Variants in CCDC88C observed in about 807,000 individuals in gnomAD.
CCDC88C encodes the protein coiled-coil and HOOK domain protein 88C, also known as protein Daple.
CCDC88C carries 131 observed loss-of-function variants against 198.8 expected under a neutral mutation model. That is an observed-to-expected ratio of 0.66 (90% CI 0.57 to 0.76). CCDC88C has a LOEUF of 0.76. CCDC88C is among the 30% of genes least tolerant of loss of function. The probability of loss-of-function intolerance (pLI) is 0.00; values close to 1 mark genes in which losing one functional copy is unlikely to be tolerated. For synonymous variants in CCDC88C, 1,166 were observed against 1,114.7 expected, an observed-to-expected ratio of 1.05 and a Z score of -0.92; for missense variants, 2,553 against 2,631.6, an observed-to-expected ratio of 0.97 and a Z score of 0.65.
chr14:91,325,670 A>G lies in CCDC88C; in HGVS notation c.1197+240T>C, dbSNP rs992236646. ...CGGCTCACTGCAGCCTCAACCTCCC[A>G]GGCTCAAGCAACCCTCCTGCCTCAG... On this transcript the variant is annotated intron_variant, in intron 11 of 29. Transcript: ENST00000389857. The surrounding 1 kb of genome is among the most constrained non-coding windows in gnomAD (Gnocchi z 4.1). Among the ~76,000 whole-genome samples, 4 of 152,074 alleles carry G rather than the reference A, an allele frequency of 2.6e-5. No homozygotes were observed. The highest frequency in any genetic ancestry group is 9.7e-5 in the African/African-American group (4 of 41,392).
chr14:91,297,413 C>T lies in CCDC88C; in HGVS notation c.3858G>A (p.Leu1286=). ...HAHTKELKTS[L]NNAQLELNRW... ...GGTTGAGCTCCAGCTGCGCGTTGTT[C>T]AGTGAGGTTTTCAGCTCCTTGGTGT... The change falls in exon 22 of 30, where the codon CTG becomes CTA. Residue 1286 remains leucine (L), a synonymous_variant. Coordinates refer to ENST00000389857, the MANE Select transcript of CCDC88C (RefSeq NM_001080414.4). The T allele has an allele frequency of 6.2e-7, 1 of 1,610,152 alleles. No homozygotes were observed. The highest frequency in any genetic ancestry group is 1.1e-5 in the South Asian group (1 of 90,086).
intron 3 of CCDC88C, among the ~76,000 whole-genome samples, chr14:91,366,416 G>A (rs1894541606): frequency 6.6e-6 from 1 of 152,080 alleles, no homozygotes. Context: ...AACCCGGGAC[G>A]CAGAGATTGC....
chr14:91,416,909 C>T (rs914858419), intron 1 of CCDC88C, 71 bp from the exon 2 acceptor site: 14 of 1,096,990 alleles, frequency 1.3e-5, no homozygotes, highest in African/African-American at 3.1e-5. Context: ...AAAGCTCTCC[C>T]AGGCAGAGAC....
At chr14:91,394,426 T>A (rs1445396227) in intron 3 of CCDC88C, among the ~76,000 whole-genome samples, 3 of 152,176 alleles carry the variant, frequency 2.0e-5, no homozygotes, top group Non-Finnish European at 4.4e-5. Flanking sequence ...CATCCTCTAA[T>A]TATTCAACAG....
At chr14:91,383,033 C>T (rs905918849) in intron 3 of CCDC88C, among the ~76,000 whole-genome samples, 1 of 152,240 alleles carries the variant, frequency 6.6e-6, no homozygotes, top group Non-Finnish European at 1.5e-5. Context: ...AAAGCCTCAT[C>T]TTAAAGCCAG....
At chr14:91,373,930 G>C (rs1894954465) in intron 3 of CCDC88C, among the ~76,000 whole-genome samples, 2 of 152,184 alleles carry the variant, frequency 1.3e-5, no homozygotes, top group South Asian at 4.1e-4. Context: ...CGCCGGCAAT[G>C]ATCACTTCCT....
intron 10 of CCDC88C, among the ~76,000 whole-genome samples, chr14:91,327,595 G>A (rs540127375): frequency 5.3e-5 from 8 of 152,332 alleles, no homozygotes; most frequent in Non-Finnish European, 1.0e-4. Context: ...CTGACAGGCC[G>A]CAGACCCGGT....
At chr14:91,330,244 C>T (rs781236940) in intron 10 of CCDC88C, among the ~76,000 whole-genome samples, 4 of 152,242 alleles carry the variant, frequency 2.6e-5, no homozygotes, top group Non-Finnish European at 5.9e-5. Flanking sequence ...GGCTGGGAGA[C>T]GCAGCCCGCA....
chr14:91,281,632 G>T, intron 26 of CCDC88C, 107 bp from the exon 27 acceptor site: 1 of 924,296 alleles, frequency 1.1e-6, no homozygotes. Flanking sequence ...CCAGCTCTTG[G>T]GGATGAGGGA....
chr14:91,293,521 T>C lies in CCDC88C; in HGVS notation c.4112+652A>G, dbSNP rs71415442. 3.4e-3 allele frequency among the ~76,000 whole-genome samples: 69 copies of C among 20,116 alleles called. 10 individuals carry two copies. The highest frequency in any genetic ancestry group is 0.02 in the Middle Eastern group (1 of 50). The allele number at this position is 20,116 out of a possible 152,430, so 13.2% of individuals were successfully genotyped here. A position where few individuals can be genotyped will look rare whatever the true frequency, so the allele number is the denominator to read the frequency against. ...TCACCTGCCACGGCCTACCTTCCTG[T>C]CCCCTCACCTGCCACGGCCCACCTT... On this transcript the variant is annotated intron_variant, in intron 23 of 29. Transcript: ENST00000389857.
At chr14:91,306,190 C>G (rs1300627999) in intron 18 of CCDC88C, among the ~76,000 whole-genome samples, 1 of 152,162 alleles carries the variant, frequency 6.6e-6, no homozygotes, top group Non-Finnish European at 1.5e-5. Flanking sequence ...AAGCTGCTTC[C>G]TTTGTCTCTT....
At chr14:91,354,490 T>TGCA (rs1893955021) in intron 4 of CCDC88C, among the ~76,000 whole-genome samples, 1 of 152,222 alleles carries the variant, frequency 6.6e-6, no homozygotes, top group African/African-American at 2.4e-5. Context: ...TTAATAGCTG[T>TGCA]GCAGCTGGCA....
At chr14:91,409,189 T>G (rs1886672761) in intron 2 of CCDC88C, among the ~76,000 whole-genome samples, 1 of 3,588 alleles carries the variant, frequency 2.8e-4, no homozygotes, top group Non-Finnish European at 4.1e-4. Context: ...AAATGGTAGT[T>G]TTTTTTTTTT....
rs1264681676 is a variant in CCDC88C, at chr14:91,273,924, A to C, written c.5059-271T>G. On this transcript the variant is annotated intron_variant, in intron 29 of 29. Transcript: ENST00000389857. The surrounding 1 kb of genome is among the most constrained non-coding windows in gnomAD (Gnocchi z 5.6). ...TTTACAGATAAGGAAACAGACCCAG[A>C]GAGGGAAATGACTTCCTACAAAGTG... Among the ~76,000 whole-genome samples, 2 of 152,192 alleles carry C rather than the reference A, an allele frequency of 1.3e-5. No homozygotes were observed. Among genetic ancestry groups the C allele is most frequent in the Non-Finnish European group, 2.9e-5 (2 of 68,038 alleles).
At position 91,352,435 on chromosome 14, in the gene CCDC88C, G is replaced by T. The variant is rs566882744; in HGVS notation, c.340+7207C>A. Among the ~76,000 whole-genome samples the T allele has an allele frequency of 6.6e-6, 1 of 152,202 alleles. No individual in the cohort carries two copies. On this transcript the variant is annotated intron_variant, in intron 4 of 29. Transcript: ENST00000389857. The surrounding 1 kb of genome is among the most constrained non-coding windows in gnomAD (Gnocchi z 4.2). ...CACGTGGACTGGAGCCCTCATTTCC[G>T]GATCCAACAAGCAGCACAGAAGCAA...
intron 12 of CCDC88C, among the ~76,000 whole-genome samples, chr14:91,323,085 T>G (rs141549982): frequency 1.5e-4 from 23 of 152,202 alleles, no homozygotes; most frequent in African/African-American, 5.1e-4. Context: ...TTTGTACTTT[T>G]AGTAGAGGCG....
rs767683153 is a variant in CCDC88C at position 91,339,291 on chromosome 14, C to T, written c.796G>A (p.Val266Ile). The change falls in exon 8 of 30, where the codon GTC (valine) becomes ATC (isoleucine). Residue 266 changes from valine (V) to isoleucine (I), a missense_variant. Around this residue, in one of 2 missense-constraint regions of CCDC88C, gnomAD observed 1,260 missense variants for 1,412.0 expected, o/e 0.89. Transcript: ENST00000389857. This position sits in a 1 kb window ranked among gnomAD's most constrained non-coding sequence, Gnocchi z 5.8. ...CCGGGGACTCACAGCTCCTGCCTGA[C>T]GCGCCGCAGCCTGGCCTTGGTGTCG... is the stretch of plus-strand genomic sequence containing the variant. Reference protein sequence around the residue: ...LADTKARLRRVRQELEDKTEQ... With the variant: ...LADTKARLRRIRQELEDKTEQ... 25 of 1,612,636 alleles carry T rather than the reference C, an allele frequency of 1.6e-5. No individual in the cohort carries two copies. Among genetic ancestry groups the T allele is most frequent in the South Asian group, 5.5e-5 (5 of 90,998 alleles).
chr14:91,342,557 C>A, intron 5 of CCDC88C, 94 bp from the exon 6 acceptor site: 1 of 810,568 alleles, frequency 1.2e-6, no homozygotes, highest in Non-Finnish European at 2.1e-6. Context: ...CAAAAGGAAC[C>A]ACCCACCCCG....
intron 4 of CCDC88C, among the ~76,000 whole-genome samples, chr14:91,350,691 A>G (rs1419145796): frequency 6.6e-6 from 1 of 152,176 alleles, no homozygotes; most frequent in South Asian, 2.1e-4. Context: ...TGTCTTGCTA[A>G]CTCAGCTCCC....
Sources: allele counts gnomAD v4.1 joint callset (sites outside exome capture counted in the v4.1 genomes callset), GRCh38; gene constraint gnomAD v4.1.1; regional missense constraint gnomAD v4.1.1; non-coding constraint Gnocchi (gnomAD v3.1); transcripts MANE v1.5; gene names NCBI Gene and HGNC (gene_info 2026-07-23, HGNC 2026-07-21).